Variants in ZNF385D observed in about 807,000 individuals in gnomAD.
The protein encoded by ZNF385D is zinc finger protein 659.
ZNF385D carries 15 observed loss-of-function variants against 35.8 expected under a neutral mutation model. That is an observed-to-expected ratio of 0.42 (90% CI 0.28 to 0.64). The LOEUF is 0.64. Ranked by LOEUF, ZNF385D falls within the 30% of genes least tolerant of loss-of-function variation. The probability of loss-of-function intolerance (pLI) is 0.23; values close to 1 mark genes in which losing one functional copy is unlikely to be tolerated. For missense variants in ZNF385D, 474 were observed against 494.6 expected, an observed-to-expected ratio of 0.96 and a Z score of 0.39; for synonymous variants, 212 against 186.8, an observed-to-expected ratio of 1.13 and a Z score of -1.10.
intron 2 of ZNF385D, among the ~76,000 whole-genome samples, chr3:22,171,092 G>A (rs763837346): frequency 6.7e-6 from 1 of 150,286 alleles, no homozygotes; most frequent in East Asian, 1.9e-4. Context: ...TTAAAAAATT[G>A]CACATGATGA....
intron 3 of ZNF385D, among the ~76,000 whole-genome samples, chr3:21,867,591 T>C (rs1351785497): frequency 6.6e-6 from 1 of 152,204 alleles, no homozygotes; most frequent in African/African-American, 2.4e-5. Flanking sequence ...CTATTTATGT[T>C]TACATTTCTA....
chr3:21,719,303 T>C (rs947433332), intron 1 of ZNF385D, among the ~76,000 whole-genome samples: 5 of 152,140 alleles, frequency 3.3e-5, no homozygotes, highest in African/African-American at 1.2e-4. Context: ...TGGTAAGAAG[T>C]GTCATATTGT....
In ZNF385D at chr3:22,262,762, T is replaced by TA. The variant is rs367931744; in HGVS notation, c.107-93728dup. ...AAACTTTTTGGGTTGTTTTGAGGAT[T>TA]AAAAAAAAAGATAATTGAGGTAAAA... On this transcript the variant is annotated intron_variant, in intron 2 of 5. Transcript: ENST00000494108. Among the ~76,000 whole-genome samples, 387 of 151,078 alleles carry TA rather than the reference T, an allele frequency of 2.6e-3. 3 individuals carry two copies. Among genetic ancestry groups the TA allele is most frequent in the Middle Eastern group, 6.8e-3 (2 of 294 alleles).
At chr3:21,991,282 T>A (rs1344801747) in intron 3 of ZNF385D, among the ~76,000 whole-genome samples, 3 of 152,182 alleles carry the variant, frequency 2.0e-5, no homozygotes, top group Admixed American at 2.0e-4. Context: ...CTAAGGGATT[T>A]TAAAATTGTA....
At chr3:22,258,152 A>T (rs1272466008) in intron 2 of ZNF385D, among the ~76,000 whole-genome samples, 3 of 151,712 alleles carry the variant, frequency 2.0e-5, no homozygotes, top group Non-Finnish European at 4.4e-5. Flanking sequence ...AACAGATTCC[A>T]CTTTTAGTCT....
intron 2 of ZNF385D, among the ~76,000 whole-genome samples, chr3:22,363,776 G>A (rs982551482): frequency 2.6e-5 from 4 of 152,068 alleles, no homozygotes; most frequent in African/African-American, 7.2e-5. Context: ...TCTTTACCAT[G>A]AGTGTCTCAA....
At chr3:21,577,922 A>G (rs2125696240) in intron 2 of ZNF385D, among the ~76,000 whole-genome samples, 1 of 150,578 alleles carries the variant, frequency 6.6e-6, no homozygotes, top group African/African-American at 2.4e-5. Flanking sequence ...CGATCCTCCT[A>G]CCTCAGCCTT....
chr3:22,222,200 C>T (rs1369687317), intron 2 of ZNF385D, among the ~76,000 whole-genome samples: 1 of 151,886 alleles, frequency 6.6e-6, no homozygotes, highest in African/African-American at 2.4e-5. Flanking sequence ...TGGTCCTGTC[C>T]TCAAATGATC....
intron 1 of ZNF385D, among the ~76,000 whole-genome samples, chr3:21,736,730 G>A (rs908015053): frequency 1.3e-5 from 2 of 152,128 alleles, no homozygotes; most frequent in Non-Finnish European, 2.9e-5. Flanking sequence ...GGAGGGGAGA[G>A]CAAGGACAAA....
chr3:22,286,760 A>C (rs952969947), intron 2 of ZNF385D, among the ~76,000 whole-genome samples: 1 of 152,132 alleles, frequency 6.6e-6, no homozygotes, highest in African/African-American at 2.4e-5. Flanking sequence ...GATACTTCAC[A>C]AAGAAATATG....
At chr3:21,599,945 C>T (rs935385944) in intron 2 of ZNF385D, among the ~76,000 whole-genome samples, 16 of 152,086 alleles carry the variant, frequency 1.1e-4, no homozygotes, top group Admixed American at 9.2e-4. Flanking sequence ...GTGGTCTGCT[C>T]GGGATACAGG....
intron 3 of ZNF385D, among the ~76,000 whole-genome samples, chr3:22,085,073 G>C (rs1452654613): frequency 1.3e-5 from 2 of 152,208 alleles, no homozygotes; most frequent in African/African-American, 4.8e-5. Context: ...CACATTTAAA[G>C]CAGTGTGTAG....
intron 3 of ZNF385D, among the ~76,000 whole-genome samples, chr3:22,140,515 T>G (rs143614093): frequency 6.6e-6 from 1 of 152,128 alleles, no homozygotes; most frequent in Admixed American, 6.6e-5. Flanking sequence ...TAAAATTTCA[T>G]AGAACTATAC....
At chr3:21,819,506 T>A (rs9871142) in intron 3 of ZNF385D, among the ~76,000 whole-genome samples, 54,758 of 150,210 alleles carry the variant, frequency 0.36, 11,568 homozygotes, top group Non-Finnish European at 0.49. Context: ...TAAGAAAAAA[T>A]TTAGTATGGC....
chr3:21,715,116 T>C (rs1422133293), intron 1 of ZNF385D, among the ~76,000 whole-genome samples: 2 of 152,096 alleles, frequency 1.3e-5, no homozygotes, highest in Admixed American at 6.5e-5. Context: ...AAAATTTATA[T>C]ACATTTATGG....
Position 22,219,924 on chromosome 3 carries a change from T to G in ZNF385D, c.107-50889A>C, listed in dbSNP as rs573780010. Among the ~76,000 whole-genome samples, 6 of 152,248 alleles carry G rather than the reference T, an allele frequency of 3.9e-5. No individual in the cohort carries two copies. The South Asian group carries it at 1.2e-3, about 32-fold the overall frequency. ...CTATGCCTCTTTTCTCAGATCCTCTTTTCTCAATATATTCAACAAAATGGG... is the reference window on the plus strand; with the variant it reads ...CTATGCCTCTTTTCTCAGATCCTCTGTTCTCAATATATTCAACAAAATGGG... On this transcript the variant is annotated intron_variant, in intron 2 of 5. Coordinates refer to the ZNF385D transcript ENST00000494108.
chr3:21,887,159 C>G (rs745758330), intron 3 of ZNF385D, among the ~76,000 whole-genome samples: 1 of 152,078 alleles, frequency 6.6e-6, no homozygotes, highest in Non-Finnish European at 1.5e-5. Context: ...TGTATGAGGA[C>G]AGGACTTTAA....
At chr3:21,817,651 A>C (rs150492523) in intron 3 of ZNF385D, among the ~76,000 whole-genome samples, 76,944 of 151,938 alleles carry the variant, frequency 0.51, 21,560 homozygotes, top group East Asian at 0.83. Flanking sequence ...GTTAGAATGG[A>C]GATCATTAAA....
At chr3:21,975,727 A>ATG (rs1559808650) in intron 3 of ZNF385D, among the ~76,000 whole-genome samples, 2 of 11,720 alleles carry the variant, frequency 1.7e-4, no homozygotes, top group Non-Finnish European at 3.3e-4. Flanking sequence ...ATATATATAT[A>ATG]TATATATATA....
Sources: gnomAD v4.1 joint callset for allele counts (sites outside exome capture counted in the v4.1 genomes callset) on GRCh38, gnomAD v4.1.1 for gene constraint, MANE v1.5 for transcripts, NCBI Gene and HGNC (gene_info 2026-07-23, HGNC 2026-07-21) for gene names.